The following RSU1 variants were observed in gnomAD, a reference collection of about 807,000 sequenced individuals.
The protein encoded by RSU1 is rsu-1.
Under a neutral mutation model 31.1 loss-of-function variants are expected in RSU1, and 26 were observed. The ratio of observed to expected loss-of-function variants is 0.84; its 90% confidence interval spans 0.61 to 1.16. The LOEUF (loss-of-function observed/expected upper bound fraction) is 1.16. Ranked by LOEUF, RSU1 falls within the 50% of genes most tolerant of loss-of-function variation. The pLI is 0.00. For synonymous variants in RSU1, 164 were observed against 136.3 expected (o/e 1.20, Z -1.41); for missense variants, 320 against 339.1 (o/e 0.94, Z 0.44).
chr10:16,773,790 G>A (rs1837472730), intron 3 of RSU1, among the ~76,000 whole-genome samples: 1 of 152,180 alleles, frequency 6.6e-6, no homozygotes, highest in Non-Finnish European at 1.5e-5. Flanking sequence ...TCAGTTGGAT[G>A]AAAAGGAGGG....
chr10:16,649,761 T>C (rs1214728436), intron 8 of RSU1, among the ~76,000 whole-genome samples: 1 of 152,182 alleles, frequency 6.6e-6, no homozygotes, highest in Admixed American at 6.5e-5. Flanking sequence ...GTCCAAATTT[T>C]ACCAGAAATG....
intron 7 of RSU1, among the ~76,000 whole-genome samples, chr10:16,699,550 G>A (rs757932686): frequency 4.6e-5 from 7 of 152,170 alleles, no homozygotes; most frequent in Non-Finnish European, 1.0e-4. Flanking sequence ...GCCTGCAATC[G>A]CTCTGACGCC....
intron 3 of RSU1, among the ~76,000 whole-genome samples, chr10:16,772,704 T>C (rs1436602620): frequency 1.3e-5 from 2 of 148,226 alleles, no homozygotes; most frequent in Non-Finnish European, 3.0e-5. Flanking sequence ...AAAAGCAGTC[T>C]CAGTGTTATA....
chr10:16,764,387 C>T lies in RSU1; in HGVS notation c.281+3G>A. 1 of 1,610,752 alleles carries T rather than the reference C, an allele frequency of 6.2e-7. No homozygotes were observed. The highest frequency in any genetic ancestry group is 1.1e-5 in the South Asian group (1 of 90,342). On this transcript the variant is annotated splice_donor_region_variant and intron_variant, in intron 4 of 8. Coordinates refer to ENST00000345264, the MANE Select transcript of RSU1 (RefSeq NM_012425.4). Reference sequence around the variant, plus strand: ...CCATCCTTTCCGCTCCACTGATACTCACCCAAGGTTCAGGTGTTTGAGTTT... The same window carrying T: ...CCATCCTTTCCGCTCCACTGATACTTACCCAAGGTTCAGGTGTTTGAGTTT...
rs906323455 is a variant in RSU1 at position 16,590,625 on chromosome 10, A to C, written c.*2769T>G. 6.6e-6 allele frequency: 1 copy of C among 152,250 alleles called. No individual in the cohort carries two copies. Among genetic ancestry groups the C allele is most frequent in the African/African-American group, 2.4e-5 (1 of 41,464 alleles). The allele number at this position is 152,250 out of a possible 1,614,324, so 9.4% of individuals were successfully genotyped here. On this transcript the variant is annotated 3_prime_UTR_variant, in exon 9 of 9. Transcript: ENST00000345264. Reference sequence around the variant, plus strand: ...TGACATACCAATTTGATTTTGAAAAATACATGCATTTAATATTTTCTGATT... The same window carrying C: ...TGACATACCAATTTGATTTTGAAAACTACATGCATTTAATATTTTCTGATT...
intron 7 of RSU1, among the ~76,000 whole-genome samples, chr10:16,705,787 GC>G (rs1835886628): frequency 6.6e-6 from 1 of 152,158 alleles, no homozygotes; most frequent in Non-Finnish European, 1.5e-5. Flanking sequence ...ACTGCATCCA[GC>G]CCCCACACAT....
intron 8 of RSU1, among the ~76,000 whole-genome samples, chr10:16,683,185 T>TGTGTGTGTGTGTGTGTGTGTGTGTGTGTG: frequency 2.8e-5 from 2 of 71,534 alleles, no homozygotes; most frequent in Non-Finnish European, 5.6e-5. Context: ...GTGTGTGTGT[T>TGTGTGTGTGTGTGTGTGTGTGTGTGTGTG]GTGGTAGGGG....
At chr10:16,624,202 G>C (rs1258298587) in intron 8 of RSU1, among the ~76,000 whole-genome samples, 1 of 141,228 alleles carries the variant, frequency 7.1e-6, no homozygotes, top group Non-Finnish European at 1.5e-5. Flanking sequence ...GGCCAAGCTT[G>C]CACATGTGTG....
At chr10:16,740,928 C>G (rs901519013) in intron 7 of RSU1, among the ~76,000 whole-genome samples, 11 of 152,112 alleles carry the variant, frequency 7.2e-5, no homozygotes, top group Non-Finnish European at 1.6e-4. Flanking sequence ...TACCAAAACA[C>G]AAGTTGGCTT....
chr10:16,671,512 G>A (rs1332653486), intron 8 of RSU1, among the ~76,000 whole-genome samples: 2 of 152,076 alleles, frequency 1.3e-5, no homozygotes, highest in Non-Finnish European at 1.5e-5. Flanking sequence ...ACAGTGGTAT[G>A]ATCTGAGTTC....
At chr10:16,632,434 G>A (rs765858116) in intron 8 of RSU1, among the ~76,000 whole-genome samples, 13 of 152,170 alleles carry the variant, frequency 8.5e-5, no homozygotes, top group Non-Finnish European at 1.6e-4. Context: ...TAAGTTGGAC[G>A]TGTCTTACAA....
In RSU1 at chr10:16,679,049, C is replaced by G. The variant is rs111824777; in HGVS notation, c.731+15974G>C. 5.3e-5 allele frequency among the ~76,000 whole-genome samples: 8 copies of G among 152,022 alleles called. No homozygotes were observed. In the South Asian group the frequency reaches 1.7e-3, roughly 32 times the overall value. On this transcript the variant is annotated intron_variant, in intron 8 of 8. Coordinates refer to ENST00000345264, the MANE Select transcript of RSU1 (RefSeq NM_012425.4). ...GTGGTAAAAAGATCTATAAAAATAA[C>G]GAAGCACCATAGGGAAGTCATAATC...
intron 8 of RSU1, among the ~76,000 whole-genome samples, chr10:16,684,886 C>T (rs1164361375): frequency 1.3e-5 from 2 of 152,198 alleles, no homozygotes; most frequent in African/African-American, 4.8e-5. Context: ...CAAATAGACA[C>T]TACCTAATTG....
At chr10:16,789,629 A>G (rs1313784193) in intron 2 of RSU1, among the ~76,000 whole-genome samples, 1 of 152,186 alleles carries the variant, frequency 6.6e-6, no homozygotes, top group East Asian at 1.9e-4. Context: ...AAAGTACAAA[A>G]GCTGCCCCCG....
intron 2 of RSU1, among the ~76,000 whole-genome samples, chr10:16,807,751 C>T (rs1011810834): frequency 1.3e-5 from 2 of 152,114 alleles, no homozygotes; most frequent in African/African-American, 2.4e-5. Context: ...AGACGAGGTA[C>T]GGTGGCTCAC....
intron 2 of RSU1, among the ~76,000 whole-genome samples, chr10:16,790,244 G>A (rs937686340): frequency 9.2e-5 from 14 of 152,144 alleles, no homozygotes; most frequent in Admixed American, 4.6e-4. Flanking sequence ...AGCGCCGGCC[G>A]TCTCTACCTT....
intron 7 of RSU1, among the ~76,000 whole-genome samples, chr10:16,715,996 A>T (rs938295077): frequency 6.6e-6 from 1 of 152,160 alleles, no homozygotes; most frequent in African/African-American, 2.4e-5. Flanking sequence ...AAGTAGAAAA[A>T]TTTTTCTTAA....
chr10:16,752,782 T>C (rs1837005644), intron 6 of RSU1, 129 bp from the exon 7 acceptor site: 4 of 1,019,724 alleles, frequency 3.9e-6, no homozygotes, highest in African/African-American at 1.6e-5. Context: ...TGCCGGCGGA[T>C]AATCAAGAAA....
intron 2 of RSU1, among the ~76,000 whole-genome samples, chr10:16,788,898 A>G (rs1837854693): frequency 6.6e-6 from 1 of 152,260 alleles, no homozygotes; most frequent in African/African-American, 2.4e-5. Context: ...TTACCAAGAA[A>G]GATGGGTGAG....
Sources: allele counts gnomAD v4.1 joint callset (sites outside exome capture counted in the v4.1 genomes callset), GRCh38; gene constraint gnomAD v4.1.1; transcripts MANE v1.5; gene names NCBI Gene and HGNC (gene_info 2026-07-23, HGNC 2026-07-21).